The following FBXL2 variants were observed in gnomAD, a reference collection of about 807,000 sequenced individuals.
FBXL2 encodes F-box and leucine rich repeat protein 2, also known as F-box/LRR-repeat protein 2.
FBXL2 carries 38 observed loss-of-function variants against 69.2 expected under a neutral mutation model. The ratio of observed to expected loss-of-function variants is 0.55; its 90% CI spans 0.42 to 0.72. The LOEUF (loss-of-function observed/expected upper bound fraction) is 0.72. FBXL2 is among the 30% of genes least tolerant of loss of function. The probability of loss-of-function intolerance (pLI) is 0.00; values close to 1 mark genes in which losing one functional copy is unlikely to be tolerated. For missense variants in FBXL2, 354 were observed against 520.3 expected, an observed-to-expected ratio of 0.68 and a Z score of 3.11; for synonymous variants, 192 against 201.3, an observed-to-expected ratio of 0.95 and a Z score of 0.39.
At chr3:33,289,304 A>C (rs1166879116) in intron 1 of FBXL2, among the ~76,000 whole-genome samples, 1 of 152,204 alleles carries the variant, frequency 6.6e-6, no homozygotes, top group African/African-American at 2.4e-5. Flanking sequence ...ACCTTGGTCA[A>C]GTCATTTATT....
chr3:33,296,368 G>A (rs1437232148), intron 1 of FBXL2, among the ~76,000 whole-genome samples: 1 of 152,050 alleles, frequency 6.6e-6, no homozygotes, highest in African/African-American at 2.4e-5. Flanking sequence ...GCCCAGCCAG[G>A]TCTTTTGTTT....
intron 7 of FBXL2, 23 bp from the exon 8 acceptor site, chr3:33,373,555 G>A (rs368811053): frequency 1.4e-4 from 223 of 1,614,100 alleles, no homozygotes; most frequent in Middle Eastern, 9.9e-4. Flanking sequence ...CTGCACATAA[G>A]TTTTTGTTTC....
At chr3:33,393,092 G>A (rs986826035), downstream of FBXL2, 1 of 483,220 alleles carries the variant, frequency 2.1e-6, no homozygotes, top group Non-Finnish European at 3.5e-6. Context: ...CTAAAGGGCT[G>A]GGGGGAGGCT....
chr3:33,344,887 C>T (rs2040323021), intron 2 of FBXL2, among the ~76,000 whole-genome samples: 1 of 152,168 alleles, frequency 6.6e-6, no homozygotes, highest in African/African-American at 2.4e-5. Flanking sequence ...ATAACATCTA[C>T]AGGATTACTA....
intron 2 of FBXL2, among the ~76,000 whole-genome samples, chr3:33,347,445 A>C (rs2040527083): frequency 6.6e-6 from 1 of 152,174 alleles, no homozygotes; most frequent in Non-Finnish European, 1.5e-5. Flanking sequence ...GTTGCTTCCA[A>C]ATCTTGGCTA....
chr3:33,377,515 T>C (rs1449779330), intron 11 of FBXL2, among the ~76,000 whole-genome samples, 182 bp downstream of exon 11: 1 of 152,180 alleles, frequency 6.6e-6, no homozygotes, highest in African/African-American at 2.4e-5. Flanking sequence ...GGAAGTCCTA[T>C]AGAGGGTTCT....
rs921267703 is a variant in FBXL2 at position 33,384,919 on chromosome 3, T to C, written c.1165-582T>C. Among the ~76,000 whole-genome samples the C allele has an allele frequency of 1.2e-4, 18 of 152,068 alleles. 3 individuals are homozygous for C. The highest frequency in any genetic ancestry group is 3.4e-3 in the Middle Eastern group (1 of 294). Reference sequence around the variant, plus strand: ...GCTGCGTGCCTGTAATCCCAGCTAATTGGGAGGCTGAGGCAGGAGAATCGC... The same window carrying C: ...GCTGCGTGCCTGTAATCCCAGCTAACTGGGAGGCTGAGGCAGGAGAATCGC... On this transcript the variant is annotated intron_variant, in intron 14 of 14. Transcript: ENST00000484457.
intron 2 of FBXL2, among the ~76,000 whole-genome samples, chr3:33,341,636 C>T (rs994692181): frequency 1.3e-5 from 2 of 151,800 alleles, no homozygotes; most frequent in African/African-American, 4.8e-5. Flanking sequence ...TTGAGACCAA[C>T]CTGGCCAACA....
chr3:33,297,626 G>T (rs887966169), intron 1 of FBXL2, 38 bp from the exon 2 acceptor site: 3 of 1,311,150 alleles, frequency 2.3e-6, no homozygotes, highest in South Asian at 2.6e-5. Flanking sequence ...ATTGATTAAA[G>T]AACATTTTCA....
chr3:33,301,016 C>G (rs1389677695), intron 2 of FBXL2, among the ~76,000 whole-genome samples: 1 of 152,030 alleles, frequency 6.6e-6, no homozygotes, highest in Non-Finnish European at 1.5e-5. Flanking sequence ...CCTAGCTACC[C>G]TTTCTAAGAA....
intron 1 of FBXL2, among the ~76,000 whole-genome samples, chr3:33,284,644 G>T (rs9872022): frequency 0.011 from 1,725 of 152,076 alleles, 26 homozygotes; most frequent in African/African-American, 0.039. Flanking sequence ...TTGACAGTGG[G>T]GTGTTAAAGT....
intron 13 of FBXL2, among the ~76,000 whole-genome samples, chr3:33,381,679 CAGAG>C (rs1040754023): frequency 1.2e-4 from 18 of 151,654 alleles, no homozygotes; most frequent in Non-Finnish European, 2.2e-4. Flanking sequence ...TATACATACA[CAGAG>C]AGACACTTTT....
chr3:33,409,228 T>C, the FBXL2 span: 10 of 1,612,662 alleles, frequency 6.2e-6, no homozygotes, highest in Admixed American at 6.7e-5. Flanking sequence ...AATGCTTTAC[T>C]ACATTACCTC....
At chr3:33,333,006 A>G (rs1190756746) in intron 2 of FBXL2, among the ~76,000 whole-genome samples, 2 of 152,222 alleles carry the variant, frequency 1.3e-5, no homozygotes, top group Admixed American at 6.5e-5. Context: ...AAGGTCACAT[A>G]TTGCCTAATT....
chr3:33,400,208 T>C (rs1197936641), intron 12 of FBXL2: 2 of 1,598,908 alleles, frequency 1.3e-6, no homozygotes, highest in Non-Finnish European at 8.5e-7. Context: ...TAGAGAACAG[T>C]CTTGTGTAGG....
At chr3:33,330,282 CA>C (rs113208210) in intron 2 of FBXL2, among the ~76,000 whole-genome samples, 12,714 of 117,492 alleles carry the variant, frequency 0.11, 514 homozygotes, top group Admixed American at 0.13. Flanking sequence ...AGACATTGTC[CA>C]AAAAAAAAAA....
intron 2 of FBXL2, among the ~76,000 whole-genome samples, chr3:33,334,086 G>A (rs1412591830): frequency 1.3e-5 from 2 of 152,090 alleles, no homozygotes; most frequent in African/African-American, 4.8e-5. Flanking sequence ...CTTGTACTCT[G>A]GGAAATAACA....
intron 2 of FBXL2, among the ~76,000 whole-genome samples, chr3:33,305,462 C>G (rs2036629882): frequency 6.6e-6 from 1 of 151,816 alleles, no homozygotes; most frequent in South Asian, 2.1e-4. Flanking sequence ...TGTGTCAATA[C>G]TACATATTTG....
At chr3:33,311,437 C>A (rs1012263101) in intron 2 of FBXL2, among the ~76,000 whole-genome samples, 1 of 152,186 alleles carries the variant, frequency 6.6e-6, no homozygotes, top group South Asian at 2.1e-4. Flanking sequence ...CTTGTTGGTG[C>A]CTCATAATTC....
Sources: gnomAD v4.1 joint callset for allele counts (sites outside exome capture counted in the v4.1 genomes callset) on GRCh38, gnomAD v4.1.1 for gene constraint, MANE v1.5 for transcripts, NCBI Gene and HGNC (gene_info 2026-07-23, HGNC 2026-07-21) for gene names.